GPM6A: variants seen among roughly 807,000 people sequenced by gnomAD.
GPM6A encodes neuronal membrane glycoprotein M6-a.
GPM6A carries 7 observed loss-of-function variants against 32.1 expected under a neutral mutation model. That is an observed-to-expected ratio of 0.22 (90% confidence interval 0.12 to 0.41). The LOEUF (loss-of-function observed/expected upper bound fraction) is 0.41, where lower values mean the gene tolerates loss of function less well. Ranked by LOEUF, GPM6A falls within the 10% of genes least tolerant of loss-of-function variation. The probability of loss-of-function intolerance (pLI) is 1.00; values close to 1 mark genes in which losing one functional copy is unlikely to be tolerated. For missense variants in GPM6A, 235 were observed against 347.2 expected (o/e 0.68, Z 2.57); for synonymous variants, 130 against 123.4 (o/e 1.05, Z -0.35).
chr4:175,656,505 G>A (rs1277022369), intron 3 of GPM6A, among the ~76,000 whole-genome samples: 1 of 152,006 alleles, frequency 6.6e-6, no homozygotes, highest in Non-Finnish European at 1.5e-5. Context: ...TGTAATTATT[G>A]TTTTGATGTC....
chr4:175,671,702 G>A (rs937775025), intron 3 of GPM6A, among the ~76,000 whole-genome samples: 1 of 152,098 alleles, frequency 6.6e-6, no homozygotes, highest in Non-Finnish European at 1.5e-5. Flanking sequence ...CTTCTCAGTC[G>A]TGGAGCTAGC....
At chr4:175,968,075 A>G (rs1579672833) in intron 1 of GPM6A, among the ~76,000 whole-genome samples, 1 of 152,172 alleles carries the variant, frequency 6.6e-6, no homozygotes, top group East Asian at 1.9e-4. Flanking sequence ...GAATAGACAA[A>G]TAAATCAATG....
At chr4:175,716,578 G>A (rs567764410) in intron 1 of GPM6A, among the ~76,000 whole-genome samples, 7 of 152,180 alleles carry the variant, frequency 4.6e-5, no homozygotes, top group African/African-American at 1.7e-4. Context: ...CTTCTGTTTT[G>A]TTAATGACAC....
chr4:175,919,880 T>G (rs1738610535), intron 1 of GPM6A, among the ~76,000 whole-genome samples: 1 of 152,158 alleles, frequency 6.6e-6, no homozygotes, highest in South Asian at 2.1e-4. Context: ...CCCCCAAATT[T>G]CCTCATGTGT....
At chr4:175,637,340 A>G (rs1255748261) in intron 6 of GPM6A, among the ~76,000 whole-genome samples, 1 of 78,654 alleles carries the variant, frequency 1.3e-5, no homozygotes, top group African/African-American at 5.0e-5. Context: ...TATATTATAT[A>G]TTATATAAAA....
intron 1 of GPM6A, among the ~76,000 whole-genome samples, chr4:175,924,497 AAT>A (rs1180195102): frequency 6.6e-6 from 1 of 152,072 alleles, no homozygotes; most frequent in Non-Finnish European, 1.5e-5. Flanking sequence ...GTGTATATGA[AAT>A]ATATGAGGGA....
intron 1 of GPM6A, among the ~76,000 whole-genome samples, chr4:175,964,316 AC>A (rs1740267762): frequency 6.6e-6 from 1 of 152,128 alleles, no homozygotes; most frequent in Non-Finnish European, 1.5e-5. Flanking sequence ...AACAACAACA[AC>A]AACAAAACCC....
intron 1 of GPM6A, among the ~76,000 whole-genome samples, chr4:175,853,483 A>G (rs1405657961): frequency 6.8e-6 from 1 of 147,534 alleles, no homozygotes; most frequent in Non-Finnish European, 1.5e-5. Context: ...ATCAGACAAT[A>G]ATTGGGAATT....
intron 1 of GPM6A, among the ~76,000 whole-genome samples, chr4:175,957,806 AC>A (rs1246042950): frequency 7.9e-5 from 12 of 152,228 alleles, no homozygotes; most frequent in African/African-American, 2.7e-4. Context: ...GTTTGTGCCT[AC>A]CTTTGTAACA....
At chr4:175,929,398 G>T (rs1360873325) in intron 1 of GPM6A, among the ~76,000 whole-genome samples, 4 of 152,178 alleles carry the variant, frequency 2.6e-5, no homozygotes, top group Admixed American at 6.5e-5. Flanking sequence ...GTTGTTACAG[G>T]TCTATTGCTC....
chr4:175,821,833 T>A (rs1032992026), intron 1 of GPM6A, among the ~76,000 whole-genome samples: 1 of 152,114 alleles, frequency 6.6e-6, no homozygotes, highest in Non-Finnish European at 1.5e-5. Flanking sequence ...GTTCTAATAA[T>A]GCATAGGTCT....
intron 1 of GPM6A, among the ~76,000 whole-genome samples, chr4:175,958,915 A>G (rs1299881945): frequency 2.0e-5 from 3 of 152,218 alleles, no homozygotes; most frequent in Admixed American, 6.5e-5. Context: ...ATGAAGGCTG[A>G]ATTTCACCTA....
At chr4:175,925,935 T>G (rs1217058238) in intron 1 of GPM6A, among the ~76,000 whole-genome samples, 3 of 150,398 alleles carry the variant, frequency 2.0e-5, no homozygotes, top group Non-Finnish European at 4.4e-5. Context: ...CACTGTAACC[T>G]CTGCCTTCCA....
At chr4:175,948,335 GA>G (rs1392026987) in intron 1 of GPM6A, among the ~76,000 whole-genome samples, 3 of 152,192 alleles carry the variant, frequency 2.0e-5, no homozygotes, top group Admixed American at 1.3e-4. Context: ...AGACATGAGA[GA>G]AATGATTTTT....
intron 1 of GPM6A, among the ~76,000 whole-genome samples, chr4:175,916,320 T>C (rs1189142042): frequency 6.6e-6 from 1 of 152,204 alleles, no homozygotes; most frequent in Non-Finnish European, 1.5e-5. Context: ...ATCCCCTGAC[T>C]CTCTTAGCCA....
At chr4:175,715,933 C>T (rs1032919203) in intron 1 of GPM6A, among the ~76,000 whole-genome samples, 1 of 152,056 alleles carries the variant, frequency 6.6e-6, no homozygotes, top group African/African-American at 2.4e-5. Flanking sequence ...GGTGTGGTGG[C>T]ACATGCCTGT....
At chr4:175,944,530 C>T (rs1428413512) in intron 1 of GPM6A, among the ~76,000 whole-genome samples, 1 of 152,140 alleles carries the variant, frequency 6.6e-6, no homozygotes, top group Admixed American at 6.5e-5. Context: ...ATTCCTTGAA[C>T]ATATACACAC....
At chr4:175,903,134 T>G (rs1738021174) in intron 1 of GPM6A, among the ~76,000 whole-genome samples, 1 of 152,084 alleles carries the variant, frequency 6.6e-6, no homozygotes, top group Admixed American at 6.6e-5. Context: ...AGGGAAATAA[T>G]GATAAGCTGG....
intron 1 of GPM6A, among the ~76,000 whole-genome samples, chr4:175,927,811 C>T (rs911210204): frequency 1.3e-5 from 2 of 152,058 alleles, no homozygotes; most frequent in Non-Finnish European, 2.9e-5. Flanking sequence ...CTTGAACCTG[C>T]GAGGCGGAGG....
Sources: gnomAD v4.1 joint callset for allele counts (sites outside exome capture counted in the v4.1 genomes callset) on GRCh38, gnomAD v4.1.1 for gene constraint, MANE v1.5 for transcripts, NCBI Gene and HGNC (gene_info 2026-07-23, HGNC 2026-07-21) for gene names.